Variants in PTPRD observed in about 807,000 individuals in gnomAD.
PTPRD encodes receptor-type tyrosine-protein phosphatase delta.
A neutral mutation model predicts 214.5 loss-of-function variants in PTPRD; 34 were observed. The observed-to-expected ratio is 0.16, with a 90% confidence interval of 0.12 to 0.21. PTPRD has a LOEUF of 0.21. Ranked by LOEUF, PTPRD falls within the 10% of genes least tolerant of loss-of-function variation. The probability of loss-of-function intolerance (pLI) is 1.00; values close to 1 mark genes in which losing one functional copy is unlikely to be tolerated. For synonymous variants in PTPRD, 1,128 were observed against 845.7 expected, an observed-to-expected ratio of 1.33 and a Z score of -5.79; for missense variants, 2,545 against 2,398.7, an observed-to-expected ratio of 1.06 and a Z score of -1.27.
At chr9:8,841,536 A>C (rs1278745039) in intron 11 of PTPRD, among the ~76,000 whole-genome samples, 1 of 152,156 alleles carries the variant, frequency 6.6e-6, no homozygotes, top group Non-Finnish European at 1.5e-5. Context: ...GCATTGTATA[A>C]ATACAATCCC....
intron 2 of PTPRD, among the ~76,000 whole-genome samples, chr9:10,498,218 T>C (rs1359589188): frequency 6.6e-6 from 1 of 151,968 alleles, no homozygotes; most frequent in Non-Finnish European, 1.5e-5. Context: ...GATGCTTAGC[T>C]TTTTAAAGAA....
At chr9:8,981,705 C>T (rs2099313664) in intron 11 of PTPRD, among the ~76,000 whole-genome samples, 1 of 151,918 alleles carries the variant, frequency 6.6e-6, no homozygotes, top group Non-Finnish European at 1.5e-5. Context: ...TCTTTTTCTC[C>T]TCCTTATAGG....
intron 9 of PTPRD, among the ~76,000 whole-genome samples, chr9:9,373,627 C>T (rs1285514217): frequency 6.6e-6 from 1 of 152,202 alleles, no homozygotes; most frequent in Non-Finnish European, 1.5e-5. Context: ...TCTGATTCTG[C>T]CAGCACATTG....
intron 11 of PTPRD, among the ~76,000 whole-genome samples, chr9:8,942,644 T>C (rs750243215): frequency 4.6e-5 from 7 of 151,718 alleles, no homozygotes; most frequent in Non-Finnish European, 1.5e-5. Flanking sequence ...GACAACAACA[T>C]ACAGGGGTCA....
intron 11 of PTPRD, among the ~76,000 whole-genome samples, chr9:8,750,054 C>CCT (rs1489310340): frequency 6.6e-6 from 1 of 151,436 alleles, no homozygotes; most frequent in Non-Finnish European, 1.5e-5. Context: ...GTGAGCCAAG[C>CCT]TCGCGCCACT....
intron 9 of PTPRD, among the ~76,000 whole-genome samples, chr9:9,225,199 A>G (rs916048142): frequency 1.3e-5 from 2 of 152,064 alleles, no homozygotes; most frequent in Non-Finnish European, 2.9e-5. Context: ...ACTTTCCAGA[A>G]TCATTGCAAA....
At chr9:10,356,113 T>C (rs1192264331) in intron 2 of PTPRD, among the ~76,000 whole-genome samples, 1 of 119,738 alleles carries the variant, frequency 8.4e-6, no homozygotes, top group Non-Finnish European at 1.8e-5. Context: ...GAAAATTGCC[T>C]TTTTTTTTTT....
intron 11 of PTPRD, among the ~76,000 whole-genome samples, chr9:8,999,931 G>C (rs1470800871): frequency 6.6e-6 from 1 of 151,936 alleles, no homozygotes; most frequent in African/African-American, 2.4e-5. Context: ...GGCTAAACTA[G>C]GGTCAAAGTA....
intron 12 of PTPRD, chr9:8,713,446 T>C: frequency 9.1e-7 from 1 of 1,101,222 alleles, no homozygotes. Flanking sequence ...CCGCTTCTGG[T>C]ACTTCGTATC....
rs151077932 is a variant in PTPRD at position 8,688,363 on chromosome 9, G to A, written c.64+45417C>T. Among the ~76,000 whole-genome samples, 500 of 152,076 alleles carry A rather than the reference G, an allele frequency of 3.3e-3. 2 individuals are homozygous for A. Among genetic ancestry groups the A allele is most frequent in the Middle Eastern group, 6.8e-3 (2 of 294 alleles). Reference sequence around the variant, plus strand: ...GGGCGGATCACAAGTTCAGGAGATCGAGACTATCCTAGCTAACATGGTGAA... The same window carrying A: ...GGGCGGATCACAAGTTCAGGAGATCAAGACTATCCTAGCTAACATGGTGAA... On this transcript the variant is annotated intron_variant, in intron 12 of 45. Coordinates refer to ENST00000381196, the MANE Select transcript of PTPRD (RefSeq NM_002839.4).
intron 11 of PTPRD, among the ~76,000 whole-genome samples, chr9:8,833,629 A>G (rs1254982313): frequency 6.6e-6 from 1 of 150,636 alleles, no homozygotes; most frequent in Non-Finnish European, 1.5e-5. Context: ...TCAGTGAATG[A>G]TGCAATCTTA....
chr9:8,859,975 G>A (rs1292404240), intron 11 of PTPRD: 1 of 152,102 alleles, frequency 6.6e-6, no homozygotes, highest in African/African-American at 2.4e-5. Context: ...AGCTGTGCAG[G>A]GATGATGGAC....
intron 10 of PTPRD, among the ~76,000 whole-genome samples, chr9:9,123,023 G>T (rs968073751): frequency 8.5e-5 from 13 of 152,174 alleles, no homozygotes; most frequent in Admixed American, 8.5e-4. Flanking sequence ...TGTTGTTGTT[G>T]TTGTTTGTTT....
intron 3 of PTPRD, among the ~76,000 whole-genome samples, chr9:10,308,685 T>C (rs1252437125): frequency 6.6e-6 from 1 of 152,126 alleles, no homozygotes; most frequent in East Asian, 1.9e-4. Flanking sequence ...CATTGTCTGA[T>C]TCATTATCAT....
intron 2 of PTPRD, among the ~76,000 whole-genome samples, chr9:10,504,382 C>T (rs904312762): frequency 1.3e-5 from 2 of 152,174 alleles, no homozygotes; most frequent in Admixed American, 6.5e-5. Flanking sequence ...CAGAACACTT[C>T]GGTTTACTCT....
intron 11 of PTPRD, among the ~76,000 whole-genome samples, chr9:8,794,188 T>C (rs2096333725): frequency 1.3e-5 from 2 of 152,168 alleles, no homozygotes; most frequent in East Asian, 1.9e-4. Flanking sequence ...TGCAAAAACA[T>C]CTGCTCCCTA....
intron 2 of PTPRD, among the ~76,000 whole-genome samples, chr9:10,442,931 T>G (rs2154523810): frequency 6.6e-6 from 1 of 151,566 alleles, no homozygotes; most frequent in South Asian, 2.1e-4. Context: ...TAGTTGATTG[T>G]TGTATGTGTA....
rs116533416 is a variant in PTPRD, at chr9:10,027,754, A to G, written c.-472+5964T>C. 6.3e-3 allele frequency among the ~76,000 whole-genome samples: 961 copies of G among 152,336 alleles called. 9 individuals carry two copies. The highest frequency in any genetic ancestry group is 0.021 in the African/African-American group (892 of 41,580). On this transcript the variant is annotated intron_variant, in intron 4 of 45. Transcript: ENST00000381196. ...TATATGTAATAGAAACTACTAAAGT[A>G]TTAATGAAATAAAATCATACAGATT...
In PTPRD at chr9:8,647,817, T is replaced by A. The variant is rs542271408; in HGVS notation, c.65-10973A>T. 2.6e-3 allele frequency among the ~76,000 whole-genome samples: 394 copies of A among 152,326 alleles called. 3 individuals are homozygous for A. Among genetic ancestry groups the A allele is most frequent in the African/African-American group, 9.2e-3 (384 of 41,572 alleles). ...TACTTTATCATTGGCCATATTTTTA[T>A]CCACTGTCCAAAATAATGAATTGCA... On this transcript the variant is annotated intron_variant, in intron 12 of 45. Transcript: ENST00000381196.
Sources: gnomAD v4.1 joint callset for allele counts (sites outside exome capture counted in the v4.1 genomes callset) on GRCh38, gnomAD v4.1.1 for gene constraint, MANE v1.5 for transcripts, NCBI Gene and HGNC (gene_info 2026-07-23, HGNC 2026-07-21) for gene names.